The following SRPK1 variants were observed in gnomAD, a reference collection of about 807,000 sequenced individuals.
SRPK1 encodes SRSF protein kinase 1.
SRPK1 carries 52 observed loss-of-function variants against 89.5 expected under a neutral mutation model. The ratio of observed to expected loss-of-function variants is 0.58; its 90% CI spans 0.46 to 0.73. SRPK1 has a LOEUF of 0.73. SRPK1 is among the 30% of genes least tolerant of loss of function. SRPK1 has a pLI of 0.00. For missense variants in SRPK1, 603 were observed against 780.6 expected, an observed-to-expected ratio of 0.77 and a Z score of 2.71; for synonymous variants, 255 against 270.2, an observed-to-expected ratio of 0.94 and a Z score of 0.55.
intron 6 of SRPK1, among the ~76,000 whole-genome samples, chr6:35,885,298 C>CACACACACACACACACAGAGAG (rs1276672274): frequency 8.8e-6 from 1 of 113,114 alleles, no homozygotes; most frequent in African/African-American, 3.6e-5. Flanking sequence ...CACACACACA[C>CACACACACACACACACAGAGAG]AGAGAGAGAG....
intron 2 of SRPK1, among the ~76,000 whole-genome samples, chr6:35,915,991 A>ATATAT (rs1554158177): frequency 9.3e-5 from 8 of 86,298 alleles, no homozygotes; most frequent in African/African-American, 3.8e-4. Flanking sequence ...AAAAAAAAAA[A>ATATAT]ATATATACAC....
At chr6:35,920,672 T>A in intron 1 of SRPK1, 144 bp from the exon 2 acceptor site, 1 of 394,530 alleles carries the variant, frequency 2.5e-6, no homozygotes, top group Non-Finnish European at 3.6e-6. Flanking sequence ...CGGCCGGCCG[T>A]GGGGCTGGCG....
At chr6:35,856,255 G>A (rs1170104103) in intron 13 of SRPK1, among the ~76,000 whole-genome samples, 3 of 152,278 alleles carry the variant, frequency 2.0e-5, no homozygotes, top group Admixed American at 2.0e-4. Flanking sequence ...ACATCAATGT[G>A]CCAGGAGGGT....
rs760065558 is a variant in SRPK1 at position 35,869,850 on chromosome 6, T to A, written c.1043A>T (p.Glu348Val). ...QDQTLMERDT[E>V]GGAAEINCNG... is the part of the protein sequence containing the mutation. ...GCAATTAATTTCTGCTGCACCACCC[T>A]CTGTATCACGTTCCATAAGCGTTTG... Residue 348 changes from glutamate to valine, a missense_variant, in exon 11 of 16, where the codon GAG (glutamate) becomes GTG (valine). Physicochemically the swap from Glu to Val is moderately radical, Grantham distance 121. Coordinates refer to ENST00000373825, the MANE Select transcript of SRPK1 (RefSeq NM_003137.5). 2.5e-6 allele frequency: 4 copies of A among 1,604,992 alleles called. No homozygotes were observed. In the Admixed American group the frequency reaches 6.8e-5, roughly 27 times the overall value.
At chr6:35,891,649 C>A (rs1223332858) in intron 2 of SRPK1, among the ~76,000 whole-genome samples, 1 of 151,734 alleles carries the variant, frequency 6.6e-6, no homozygotes, top group Non-Finnish European at 1.5e-5. Flanking sequence ...ATTGCTTGAA[C>A]CCGGGAAGTG....
intron 15 of SRPK1, among the ~76,000 whole-genome samples, chr6:35,836,907 C>T (rs1344448418): frequency 2.0e-5 from 3 of 151,956 alleles, no homozygotes; most frequent in East Asian, 1.9e-4. Context: ...TCTTATGAAA[C>T]ATTTTACAAT....
chr6:35,887,990 T>C, intron 5 of SRPK1, 34 bp downstream of exon 5: 1 of 1,424,820 alleles, frequency 7.0e-7, no homozygotes, highest in Non-Finnish European at 9.5e-7. Context: ...TTATTTATAA[T>C]TCTTCACATT....
chr6:35,899,197 AC>A (rs1274632238), intron 2 of SRPK1, among the ~76,000 whole-genome samples: 1 of 152,178 alleles, frequency 6.6e-6, no homozygotes, highest in African/African-American at 2.4e-5. Context: ...TTAATGAAGC[AC>A]AATTAGGCAA....
intron 15 of SRPK1, among the ~76,000 whole-genome samples, chr6:35,837,570 T>C (rs1229533504): frequency 2.6e-5 from 4 of 151,952 alleles, no homozygotes; most frequent in African/African-American, 9.7e-5. Context: ...GCTCTTTTTT[T>C]TCCCCGAGAC....
chr6:35,884,530 G>A (rs1440037226), intron 6 of SRPK1, among the ~76,000 whole-genome samples: 1 of 152,184 alleles, frequency 6.6e-6, no homozygotes, highest in East Asian at 1.9e-4. Flanking sequence ...CCTTAACATA[G>A]TGTTTTGAGT....
chr6:35,905,797 AAAG>A (rs1359674562), intron 2 of SRPK1, among the ~76,000 whole-genome samples: 2 of 152,330 alleles, frequency 1.3e-5, no homozygotes, highest in East Asian at 3.9e-4. Context: ...AGCGTGGGAG[AAAG>A]AAGAGTGAAA....
chr6:35,839,753 C>A (rs931022139), intron 14 of SRPK1, among the ~76,000 whole-genome samples: 15 of 151,182 alleles, frequency 9.9e-5, no homozygotes, highest in Non-Finnish European at 5.9e-5. Flanking sequence ...GATCTCGGCT[C>A]ACTGCAACCT....
At chr6:35,915,413 A>AAAC (rs1316588839) in intron 2 of SRPK1, among the ~76,000 whole-genome samples, 1 of 151,578 alleles carries the variant, frequency 6.6e-6, no homozygotes, top group African/African-American at 2.4e-5. Flanking sequence ...TCTCAAAAAA[A>AAAC]AAAAAAAAAA....
chr6:35,880,742 A>AAAAAAAAAAAAAGAAAGAAAG lies in SRPK1; in HGVS notation c.478+5981_478+5982insCTTTCTTTCTTTTTTTTTTTT. Among the ~76,000 whole-genome samples, 15 of 28,180 alleles carry AAAAAAAAAAAAAGAAAGAAAG rather than the reference A, an allele frequency of 5.3e-4. 1 individual carries two copies. The highest frequency in any genetic ancestry group is 3.5e-3 in the African/African-American group (11 of 3,180). 18.5% of individuals were successfully genotyped at this position (28,180 alleles called of 152,430 possible). On this transcript the variant is annotated intron_variant, in intron 6 of 15. Coordinates refer to ENST00000373825, the MANE Select transcript of SRPK1 (RefSeq NM_003137.5). ...CTCAAAAAAAAAAAAAAAGAAAAAA[A>AAAAAAAAAAAAAGAAAGAAAG]AAAAAAAAGAAAAGAAAAGAAGAAG...
At chr6:35,871,948 C>G (rs553176528) in intron 8 of SRPK1, among the ~76,000 whole-genome samples, 2 of 152,174 alleles carry the variant, frequency 1.3e-5, no homozygotes, top group East Asian at 3.9e-4. Context: ...ACTGTGTTGC[C>G]TAGGCTGGTC....
chr6:35,911,855 G>A (rs1343093651), intron 2 of SRPK1, among the ~76,000 whole-genome samples: 1 of 152,100 alleles, frequency 6.6e-6, no homozygotes, highest in Non-Finnish European at 1.5e-5. Context: ...AGTTTGAAAG[G>A]ACTGACTCCA....
rs1769783463 is a variant in SRPK1 at position 35,861,584 on chromosome 6, C to A, written c.1513-4216G>T. ...CCGGTGAGACCAAGATGTGAGTGGA[C>A]CACATTCCCCACAGCTTCTTCCCCA... is the stretch of plus-strand genomic sequence containing the variant. On this transcript the variant is annotated intron_variant, in intron 12 of 15. Transcript: ENST00000373825. 3.9e-5 allele frequency among the ~76,000 whole-genome samples: 6 copies of A among 152,206 alleles called. No homozygotes were observed. The South Asian group carries it at 1.2e-3, about 31-fold the overall frequency.
rs553293940 is a variant in SRPK1, at chr6:35,870,551, T to C, written c.778-57A>G. ...CAGGTGGCTAATTAATTACCCCCAG[T>C]TGGAGATAGTTGTTAACTTTAATTA... is the stretch of plus-strand genomic sequence containing the variant. On this transcript the variant is annotated intron_variant, in intron 9 of 15. Transcript: ENST00000373825. 4.2e-6 allele frequency: 6 copies of C among 1,437,458 alleles called. No homozygotes were observed. The Middle Eastern group carries it at 5.5e-4, about 132-fold the overall frequency. The allele number at this position is 1,437,458 out of a possible 1,614,324, so 89.0% of individuals were successfully genotyped here. A position where few individuals can be genotyped will look rare whatever the true frequency, so the allele number is the denominator to read the frequency against.
chr6:35,914,360 T>A (rs146826749), intron 2 of SRPK1, among the ~76,000 whole-genome samples: 23 of 152,284 alleles, frequency 1.5e-4, no homozygotes, highest in African/African-American at 5.3e-4. Context: ...AATTCAAAAT[T>A]ACAACAAGGT....
Sources: gnomAD v4.1 joint callset for allele counts (sites outside exome capture counted in the v4.1 genomes callset) on GRCh38, gnomAD v4.1.1 for gene constraint, MANE v1.5 for transcripts, NCBI Gene and HGNC (gene_info 2026-07-23, HGNC 2026-07-21) for gene names.